RNF220: variants seen among roughly 807,000 people sequenced by gnomAD.
The protein encoded by RNF220 is E3 ubiquitin-protein ligase RNF220.
Under a neutral mutation model 67.1 loss-of-function variants are expected in RNF220, and 7 were observed. The ratio of observed to expected loss-of-function variants is 0.10; its 90% CI spans 0.06 to 0.20. RNF220 has a LOEUF of 0.20. RNF220 is among the 10% of genes least tolerant of loss of function. The pLI, the probability that RNF220 is intolerant of heterozygous loss-of-function variation, is 1.00. For missense variants in RNF220, 565 were observed against 740.3 expected (o/e 0.76, Z 2.75); for synonymous variants, 270 against 283.2 (o/e 0.95, Z 0.47).
chr1:44,406,907 C>T (rs907696678), intron 1 of RNF220, among the ~76,000 whole-genome samples: 2 of 152,250 alleles, frequency 1.3e-5, no homozygotes, highest in Admixed American at 6.5e-5. Flanking sequence ...CGGCCCAGGT[C>T]GACCCCAGCT....
intron 2 of RNF220, chr1:44,545,417 AG>A: frequency 6.5e-6 from 1 of 154,352 alleles, no homozygotes; most frequent in Admixed American, 6.5e-5. Context: ...TTTTATCCTC[AG>A]GCACTCAGCA....
At chr1:44,636,343 A>G (rs763253712) in intron 8 of RNF220, 181 bp downstream of exon 8, 2 of 797,954 alleles carry the variant, frequency 2.5e-6, no homozygotes, top group East Asian at 5.3e-5. Flanking sequence ...TGCATATTAA[A>G]ATGGATGTAT....
chr1:44,418,929 A>G (rs1648907114), intron 2 of RNF220, among the ~76,000 whole-genome samples: 1 of 152,108 alleles, frequency 6.6e-6, no homozygotes, highest in African/African-American at 2.4e-5. Context: ...AACCACATCC[A>G]TGTGGTTAAT....
At chr1:44,460,137 C>T (rs963518475) in intron 2 of RNF220, among the ~76,000 whole-genome samples, 17 of 152,192 alleles carry the variant, frequency 1.1e-4, no homozygotes, top group Admixed American at 1.1e-3. Flanking sequence ...CCCACCTCAT[C>T]GTTCCTCGTC....
chr1:44,446,374 A>T, intron 2 of RNF220, among the ~76,000 whole-genome samples: 1 of 152,344 alleles, frequency 6.6e-6, no homozygotes, highest in Non-Finnish European at 1.5e-5. Flanking sequence ...TAAGTTTTGC[A>T]GTGAACTGTA....
In RNF220 at chr1:44,602,195, G is replaced by A. The variant is rs186293938; in HGVS notation, c.626-11970G>A. On this transcript the variant is annotated intron_variant, in intron 2 of 14. Transcript: ENST00000361799. Reference sequence around the variant, plus strand: ...GCTGAGGAGGTCAGGACAGTGATGGGCTTCGGGGAGAGAGGCAAGTGTGAA... The same window carrying A: ...GCTGAGGAGGTCAGGACAGTGATGGACTTCGGGGAGAGAGGCAAGTGTGAA... Among the ~76,000 whole-genome samples, 14 of 152,288 alleles carry A rather than the reference G, an allele frequency of 9.2e-5. No homozygotes were observed. The East Asian group carries it at 2.7e-3, about 29-fold the overall frequency.
chr1:44,504,010 C>T (rs1403573350), intron 2 of RNF220, among the ~76,000 whole-genome samples: 2 of 152,114 alleles, frequency 1.3e-5, no homozygotes, highest in African/African-American at 2.4e-5. Flanking sequence ...CCACCATGCC[C>T]AGCTAATTGT....
chr1:44,456,970 G>GT (rs903702449), intron 2 of RNF220, among the ~76,000 whole-genome samples: 14 of 151,912 alleles, frequency 9.2e-5, no homozygotes, highest in African/African-American at 3.4e-4. Context: ...TGGAACACAC[G>GT]TCCCCCCAAC....
At position 44,417,789 on chromosome 1, in the gene RNF220, G is replaced by T. The variant is rs1008077195; in HGVS notation, c.625+5067G>T. Among the ~76,000 whole-genome samples, 1 of 152,180 alleles carries T rather than the reference G, an allele frequency of 6.6e-6. No homozygotes were observed. On this transcript the variant is annotated intron_variant, in intron 2 of 14. Coordinates refer to ENST00000361799, the MANE Select transcript of RNF220 (RefSeq NM_018150.4). The surrounding 1 kb of genome is among the most constrained non-coding windows in gnomAD (Gnocchi z 4.0). Reference sequence around the variant, plus strand: ...CGGAGAGGCGCGAGAACTGGCCCCGGGGAGGCCAGGCCACGGGGTGGGCCC... The same window carrying T: ...CGGAGAGGCGCGAGAACTGGCCCCGTGGAGGCCAGGCCACGGGGTGGGCCC...
intron 3 of RNF220, 76 bp downstream of exon 3, chr1:44,614,373 C>G: frequency 5.2e-6 from 8 of 1,549,906 alleles, no homozygotes; most frequent in Non-Finnish European, 7.0e-6. Flanking sequence ...CAGAAGCAGC[C>G]GCCTGGCCCA....
chr1:44,490,147 T>C (rs1159862104), intron 2 of RNF220, among the ~76,000 whole-genome samples: 2 of 152,142 alleles, frequency 1.3e-5, no homozygotes, highest in Non-Finnish European at 2.9e-5. Context: ...ATACTGGATA[T>C]GTTTCTTAAG....
At chr1:44,447,261 G>T (rs1652198981) in intron 2 of RNF220, among the ~76,000 whole-genome samples, 1 of 152,184 alleles carries the variant, frequency 6.6e-6, no homozygotes, top group South Asian at 2.1e-4. Flanking sequence ...TTCAGTCATT[G>T]CCCTGTGATC....
At chr1:44,473,087 G>A (rs1654964751) in intron 2 of RNF220, among the ~76,000 whole-genome samples, 1 of 152,176 alleles carries the variant, frequency 6.6e-6, no homozygotes, top group Non-Finnish European at 1.5e-5. Context: ...ACACTAGGCA[G>A]GGCAGGAGGA....
At chr1:44,564,751 C>CAAA (rs34127522) in intron 2 of RNF220, among the ~76,000 whole-genome samples, 3 of 93,710 alleles carry the variant, frequency 3.2e-5, no homozygotes, top group Admixed American at 1.1e-4. Flanking sequence ...GACTCCATCT[C>CAAA]AAAAAAAAAA....
chr1:44,424,170 A>G (rs1649511958), intron 2 of RNF220: 1 of 245,612 alleles, frequency 4.1e-6, no homozygotes, highest in East Asian at 1.8e-4. Flanking sequence ...TATGAAAAAG[A>G]AATGATAATG....
At chr1:44,557,435 A>G (rs1663202592) in intron 2 of RNF220, among the ~76,000 whole-genome samples, 1 of 149,912 alleles carries the variant, frequency 6.7e-6, no homozygotes, top group Non-Finnish European at 1.5e-5. Context: ...AGGGAGGGAG[A>G]GAGGGAGGGA....
intron 2 of RNF220, among the ~76,000 whole-genome samples, chr1:44,579,046 C>T (rs889228291): frequency 1.3e-5 from 2 of 151,672 alleles, no homozygotes; most frequent in African/African-American, 4.8e-5. Context: ...ATCCCAGCTA[C>T]TCGGGAGGCT....
intron 2 of RNF220, among the ~76,000 whole-genome samples, chr1:44,413,381 T>C (rs557703067): frequency 2.6e-5 from 4 of 152,206 alleles, no homozygotes; most frequent in African/African-American, 9.7e-5. Context: ...CTAGACACGG[T>C]TGACCTGTGT....
At chr1:44,627,775 C>G (rs1265854203) in intron 5 of RNF220, among the ~76,000 whole-genome samples, 1 of 152,246 alleles carries the variant, frequency 6.6e-6, no homozygotes, top group African/African-American at 2.4e-5. Context: ...GACCTGTAAG[C>G]TTGGGTAGAG....
Sources: gnomAD v4.1 joint callset for allele counts (sites outside exome capture counted in the v4.1 genomes callset) on GRCh38, gnomAD v4.1.1 for gene constraint, Gnocchi (gnomAD v3.1) non-coding constraint, MANE v1.5 for transcripts, NCBI Gene and HGNC (gene_info 2026-07-23, HGNC 2026-07-21) for gene names.